Variants in DENND1C observed in about 807,000 individuals in gnomAD.
DENND1C encodes DENN domain containing 1C, also known as DENN domain-containing protein 1C.
Under a neutral mutation model 87.9 loss-of-function variants are expected in DENND1C, and 64 were observed. The ratio of observed to expected loss-of-function variants is 0.73; its 90% confidence interval spans 0.60 to 0.90. DENND1C has a LOEUF of 0.90. Ranked by LOEUF, DENND1C falls within the 40% of genes least tolerant of loss-of-function variation. The pLI is 0.00. For synonymous variants in DENND1C, 384 were observed against 424.4 expected (o/e 0.90, Z 1.17); for missense variants, 980 against 1,037.0 (o/e 0.95, Z 0.76).
At position 6,471,439 on chromosome 19, in the gene DENND1C, C is replaced by T. The variant is rs1381917504; in HGVS notation, c.1216G>A (p.Glu406Lys). Residue 406 changes from glutamate (E) to lysine (K), a missense_variant, in exon 16 of 23, where the codon GAG becomes AAG. Physicochemically the swap from Glu to Lys is moderately conservative, Grantham distance 56 (BLOSUM62 1). Transcript: ENST00000381480. ...GCCCCGCAGCCAGTGATCTCCTGCT[C>T]GAATTGATCTGAGAAGCCCTCCCCC... Reference protein sequence around the residue: ...NKGEGFSDQFEQEITGCGASS... With the variant: ...NKGEGFSDQFKQEITGCGASS... The T allele has an allele frequency of 8.2e-6, 13 of 1,586,496 alleles. No individual in the cohort carries two copies. The highest frequency in any genetic ancestry group is 1.1e-5 in the Non-Finnish European group (13 of 1,166,476).
chr19:6,480,566 C>A (rs1913499127), intron 1 of DENND1C: 1 of 38,756 alleles, frequency 2.6e-5, no homozygotes, highest in Non-Finnish European at 3.6e-5. Flanking sequence ...ACCCACCTAT[C>A]TATCTATCTA....
intron 14 of DENND1C, among the ~76,000 whole-genome samples, chr19:6,473,455 GGTTTTTT>G (rs68186205): frequency 0.33 from 44,088 of 135,502 alleles, 7,180 homozygotes; most frequent in South Asian, 0.41. Flanking sequence ...GCCCAGCCCT[GGTTTTTT>G]TTTTTTTTTT....
chr19:6,468,948 C>A lies in DENND1C; in HGVS notation c.1413G>T (p.Gly471=), dbSNP rs113599909. 59 of 1,424,554 alleles carry A rather than the reference C, an allele frequency of 4.1e-5. 2 individuals are homozygous for A. The African/African-American group carries it at 6.3e-4, about 15-fold the overall frequency. The allele number at this position is 1,424,554 out of a possible 1,614,324, so 88.2% of individuals were successfully genotyped here. ...AGCCCCCCCTCTGCAGGACAGAGTC[C>A]CCATCCTAGGAAGAGAAGAGTGAAC... is the stretch of plus-strand genomic sequence containing the variant. ...GVQSLLMYKD[G]DSVLQRGGSL... Residue 471 remains glycine (G), a synonymous_variant, in exon 20 of 23, where the codon GGG becomes GGT. Transcript: ENST00000381480.
At chr19:6,474,829 G>A (rs2092849033) in intron 14 of DENND1C, among the ~76,000 whole-genome samples, 1 of 152,028 alleles carries the variant, frequency 6.6e-6, no homozygotes, top group African/African-American at 2.4e-5. Context: ...AGAACTTTAG[G>A]AGCCTGATGC....
At chr19:6,473,629 C>G (rs1204581145) in intron 14 of DENND1C, among the ~76,000 whole-genome samples, 1 of 150,970 alleles carries the variant, frequency 6.6e-6, no homozygotes, top group African/African-American at 2.5e-5. Context: ...CGCCACTGCG[C>G]CCAGCTAATT....
chr19:6,479,086 T>C (rs1476759580), intron 4 of DENND1C, 30 bp from the exon 5 acceptor site: 1 of 1,612,914 alleles, frequency 6.2e-7, no homozygotes, highest in Non-Finnish European at 8.5e-7. Context: ...TAGAGAGACC[T>C]GGACATCCCA....
Position 6,477,074 on chromosome 19 carries a change from G to A in DENND1C, c.567C>T (p.Asn189=), listed in dbSNP as rs779671115. ...DSGRLPSIPE[N]RNLTELVVAV... ...CCCCCAGAGACCCCTCCCCACTCAC[G>A]TTCTCAGGGATGGATGGCAGGCGGC... The change falls in exon 9 of 23, where the codon AAC becomes AAT. Residue 189 remains asparagine, a splice_region_variant and synonymous_variant. Coordinates refer to ENST00000381480, the MANE Select transcript of DENND1C (RefSeq NM_024898.4). 4 of 1,607,798 alleles carry A rather than the reference G, an allele frequency of 2.5e-6. No individual in the cohort carries two copies. Among genetic ancestry groups the A allele is most frequent in the East Asian group, 2.2e-5 (1 of 44,774 alleles).
rs751257354 is a variant in DENND1C, at chr19:6,477,249, A to G, written c.482T>C (p.Ile161Thr). The G allele has an allele frequency of 2.5e-5, 39 of 1,582,120 alleles. No individual in the cohort carries two copies. Among genetic ancestry groups the G allele is most frequent in the Non-Finnish European group, 2.8e-5 (33 of 1,163,026 alleles). ...GCTATTCCCCCGGGTAGGGGGGGGG[A>G]TACCCTGCCCGCTGGAGACCGTCAC... ...SGVTVSSGQG[I>T]PPPTRGNSKP... Residue 161 changes from isoleucine (I) to threonine (T), a missense_variant, in exon 8 of 23, where the codon ATC (isoleucine) becomes ACC (threonine). Coordinates refer to ENST00000381480, the MANE Select transcript of DENND1C (RefSeq NM_024898.4).
chr19:6,469,629 G>A lies in DENND1C; in HGVS notation c.1374C>T (p.Gly458=), dbSNP rs767500776. 2 of 1,606,466 alleles carry A rather than the reference G, an allele frequency of 1.2e-6. No homozygotes were observed. Among genetic ancestry groups the A allele is most frequent in the Admixed American group, 1.7e-5 (1 of 59,006 alleles). The change falls in exon 19 of 23, where the codon GGC becomes GGT. Residue 458 remains glycine, a synonymous_variant. Transcript: ENST00000381480. ...VKNMYRSAKS[G]LKGVQSLLMY... is the part of the protein sequence containing the mutation. ...TTAGAAGGCTCTGCACCCCCTTCAA[G>A]CCACTCTTGGCCTATAAAGGAGTGG...
intron 15 of DENND1C, among the ~76,000 whole-genome samples, chr19:6,472,522 C>T (rs903951623): frequency 5.9e-5 from 9 of 152,186 alleles, no homozygotes; most frequent in African/African-American, 2.2e-4. Context: ...TCCTGAGTAG[C>T]TGGGATTATA....
chr19:6,475,071 C>A (rs1156356869), intron 14 of DENND1C, among the ~76,000 whole-genome samples: 2 of 150,566 alleles, frequency 1.3e-5, no homozygotes, highest in Non-Finnish European at 3.0e-5. Flanking sequence ...CAAACAACAA[C>A]AACAACAAAC....
In DENND1C at chr19:6,476,850, G is replaced by A. The variant is rs1164760432; in HGVS notation, c.678+7C>T. The A allele has an allele frequency of 1.9e-6, 3 of 1,608,976 alleles. No individual in the cohort carries two copies. Among genetic ancestry groups the A allele is most frequent in the South Asian group, 2.2e-5 (2 of 90,842 alleles). On this transcript the variant is annotated splice_region_variant and intron_variant, in intron 10 of 22. Transcript: ENST00000381480. ...CTCCCACCCCGGCCCGGCGGACCCCGCCTCACGGTGCTGAGTTTGCTGGCG... is the reference window on the plus strand; with the variant it reads ...CTCCCACCCCGGCCCGGCGGACCCCACCTCACGGTGCTGAGTTTGCTGGCG...
chr19:6,470,370 CGGGAGAGAAGATACCAAGG>C lies in DENND1C; in HGVS notation c.1291-23_1291-5del. 1 of 1,611,802 alleles carries C rather than the reference CGGGAGAGAAGATACCAAGG, an allele frequency of 6.2e-7. No individual in the cohort carries two copies. Among genetic ancestry groups the C allele is most frequent in the South Asian group, 1.1e-5 (1 of 90,502 alleles). On this transcript the variant is annotated splice_region_variant and splice_polypyrimidine_tract_variant and intron_variant, in intron 17 of 22. Transcript: ENST00000381480. Reference sequence around the variant, plus strand: ...GCAGGAGGGCGCCACCACCTTTCTGCGGGAGAGAAGATACCAAGGGGGAGAGGCTAGGGCCAGATCCCAC... The same window carrying C: ...GCAGGAGGGCGCCACCACCTTTCTGCGGGAGAGGCTAGGGCCAGATCCCAC...
At position 6,479,805 on chromosome 19, in the gene DENND1C, T is replaced by C. The variant is rs2092887488; in HGVS notation, c.126+54A>G. On this transcript the variant is annotated intron_variant, in intron 3 of 22. Coordinates refer to ENST00000381480, the MANE Select transcript of DENND1C (RefSeq NM_024898.4). ...TCCAGGTCCAAGAAACCAAGTCCCC[T>C]CCCCCTGGGAGACTGGCCCTCGCCC... is the stretch of plus-strand genomic sequence containing the variant. 8 of 1,613,438 alleles carry C rather than the reference T, an allele frequency of 5.0e-6. 1 individual carries two copies. In the Middle Eastern group the frequency reaches 1.3e-3, roughly 266 times the overall value.
chr19:6,468,448 G>T lies in DENND1C; in HGVS notation c.1584-7C>A, dbSNP rs1020944883. ...AGGGCTCAGTGGGGGTGTCCTGGGT[G>T]AGGATGGGCAGCCTCAGATATTTGC... is the stretch of plus-strand genomic sequence containing the variant. On this transcript the variant is annotated splice_polypyrimidine_tract_variant and splice_region_variant and intron_variant, in intron 21 of 22. Coordinates refer to ENST00000381480, the MANE Select transcript of DENND1C (RefSeq NM_024898.4). 6.2e-7 allele frequency: 1 copy of T among 1,609,712 alleles called. No homozygotes were observed. The highest frequency in any genetic ancestry group is 1.3e-5 in the African/African-American group (1 of 74,878).
intron 18 of DENND1C, 190 bp from the exon 19 acceptor site, chr19:6,469,830 T>C: frequency 1.7e-6 from 1 of 599,046 alleles, no homozygotes; most frequent in Non-Finnish European, 3.0e-6. Flanking sequence ...AAAATGAGTA[T>C]TCCTGGAGGC....
chr19:6,469,446 A>T, intron 19 of DENND1C, 150 bp downstream of exon 19: 1 of 757,204 alleles, frequency 1.3e-6, no homozygotes, highest in Non-Finnish European at 2.2e-6. Flanking sequence ...ATATTCAGAT[A>T]ATTTTTAACT....
intron 4 of DENND1C, 49 bp downstream of exon 4, chr19:6,479,620 C>G: frequency 6.2e-7 from 1 of 1,613,350 alleles, no homozygotes; most frequent in Admixed American, 1.7e-5. Flanking sequence ...CTTGGGGCCC[C>G]TGAGAGATCT....
chr19:6,478,054 G>A (rs1358281111), intron 6 of DENND1C, among the ~76,000 whole-genome samples: 2 of 151,818 alleles, frequency 1.3e-5, no homozygotes, highest in African/African-American at 2.4e-5. Flanking sequence ...CAGCCTGGGC[G>A]ACAGAGGAAG....
Sources: allele counts gnomAD v4.1 joint callset (sites outside exome capture counted in the v4.1 genomes callset), GRCh38; gene constraint gnomAD v4.1.1; transcripts MANE v1.5; gene names NCBI Gene and HGNC (gene_info 2026-07-23, HGNC 2026-07-21).